SUGCT: variants seen among roughly 807,000 people sequenced by gnomAD.
SUGCT encodes the protein succinyl-CoA:glutarate CoA-transferase.
A neutral mutation model predicts 55.0 loss-of-function variants in SUGCT; 41 were observed. The ratio of observed to expected loss-of-function variants is 0.74; its 90% CI spans 0.58 to 0.97. The LOEUF (loss-of-function observed/expected upper bound fraction) is 0.97. SUGCT is among the 50% of genes least tolerant of loss of function. The probability of loss-of-function intolerance (pLI) is 0.00; values close to 1 mark genes in which losing one functional copy is unlikely to be tolerated. For missense variants in SUGCT, 568 were observed against 547.8 expected (o/e 1.04, Z -0.37); for synonymous variants, 187 against 200.4 (o/e 0.93, Z 0.56).
intron 9 of SUGCT, among the ~76,000 whole-genome samples, chr7:40,374,082 G>A (rs1466887487): frequency 2.0e-5 from 3 of 152,044 alleles, no homozygotes; most frequent in Non-Finnish European, 2.9e-5. Flanking sequence ...ACTTAGAGAT[G>A]CACAATACTA....
At chr7:41,021,437 G>C in the SUGCT span, among the ~76,000 whole-genome samples, 1 of 152,134 alleles carries the variant, frequency 6.6e-6, no homozygotes, top group African/African-American at 2.4e-5. Context: ...AGGTGAATCT[G>C]TAATAGTTCA....
the SUGCT span, among the ~76,000 whole-genome samples, chr7:40,947,390 G>C: frequency 6.6e-6 from 1 of 151,814 alleles, no homozygotes; most frequent in African/African-American, 2.4e-5. Flanking sequence ...GTTTGTACAT[G>C]TTTAAATTAT....
intron 6 of SUGCT, among the ~76,000 whole-genome samples, chr7:40,221,055 A>G (rs1352969411): frequency 1.3e-5 from 2 of 152,198 alleles, no homozygotes; most frequent in African/African-American, 4.8e-5. Flanking sequence ...TTTGTCATGC[A>G]CTTAGCAAAA....
chr7:40,257,463 G>T (rs1790886267), intron 7 of SUGCT, among the ~76,000 whole-genome samples: 1 of 151,790 alleles, frequency 6.6e-6, no homozygotes, highest in Admixed American at 6.6e-5. Flanking sequence ...TCAACAAACT[G>T]AAAACATTTC....
At chr7:40,929,234 C>G in the SUGCT span, among the ~76,000 whole-genome samples, 2 of 152,156 alleles carry the variant, frequency 1.3e-5, no homozygotes, top group African/African-American at 4.8e-5. Flanking sequence ...TCATCCATGT[C>G]TCTGCAAGGG....
chr7:40,873,877 G>A, the SUGCT span, among the ~76,000 whole-genome samples: 1 of 152,336 alleles, frequency 6.6e-6, no homozygotes, highest in East Asian at 1.9e-4. Flanking sequence ...TGTTGTTGGA[G>A]TTCAGAGATG....
At chr7:40,576,929 A>G (rs1398936176) in intron 12 of SUGCT, among the ~76,000 whole-genome samples, 1 of 152,110 alleles carries the variant, frequency 6.6e-6, no homozygotes. Context: ...TTATCATCCT[A>G]TTGTCCTGGG....
At chr7:40,440,282 C>T (rs979408712) in intron 9 of SUGCT, among the ~76,000 whole-genome samples, 4 of 150,908 alleles carry the variant, frequency 2.7e-5, no homozygotes, top group South Asian at 2.1e-4. Context: ...GCCTCAGCCT[C>T]CCAAGTAGCT....
chr7:40,917,421 T>A, the SUGCT span, among the ~76,000 whole-genome samples: 1 of 152,146 alleles, frequency 6.6e-6, no homozygotes, highest in African/African-American at 2.4e-5. Context: ...AACAAGAAGT[T>A]AATTTTTCTC....
intron 12 of SUGCT, among the ~76,000 whole-genome samples, chr7:40,507,163 C>T (rs1403572995): frequency 6.6e-6 from 1 of 152,106 alleles, no homozygotes; most frequent in Non-Finnish European, 1.5e-5. Flanking sequence ...CTTTAGATCT[C>T]CCCTCCCCGA....
At chr7:40,713,626 T>C (rs929323673) in intron 12 of SUGCT, among the ~76,000 whole-genome samples, 5 of 152,252 alleles carry the variant, frequency 3.3e-5, no homozygotes, top group African/African-American at 1.2e-4. Context: ...AATTTGTGTT[T>C]AACCTTTGGG....
intron 12 of SUGCT, among the ~76,000 whole-genome samples, chr7:40,569,315 C>T (rs1033883825): frequency 2.1e-4 from 32 of 152,176 alleles, no homozygotes; most frequent in Admixed American, 5.2e-4. Flanking sequence ...CTCCCCTGAT[C>T]AGTAATGTGT....
intron 13 of SUGCT, among the ~76,000 whole-genome samples, chr7:40,788,244 C>A (rs1335611152): frequency 1.3e-5 from 2 of 152,170 alleles, no homozygotes; most frequent in Non-Finnish European, 2.9e-5. Context: ...CTTCCCCGGC[C>A]AGCATGCAGT....
At chr7:40,388,454 C>T (rs1785238920) in intron 9 of SUGCT, among the ~76,000 whole-genome samples, 1 of 152,172 alleles carries the variant, frequency 6.6e-6, no homozygotes, top group Non-Finnish European at 1.5e-5. Context: ...CTCGCTTTGT[C>T]GTCCAGGCTG....
At chr7:40,726,791 T>A (rs1358396657) in intron 12 of SUGCT, among the ~76,000 whole-genome samples, 2 of 152,108 alleles carry the variant, frequency 1.3e-5, no homozygotes, top group African/African-American at 4.8e-5. Context: ...AGGTGCTGCT[T>A]GGAATAAGAA....
chr7:40,564,881 A>G (rs942302739), intron 12 of SUGCT, among the ~76,000 whole-genome samples: 4 of 152,168 alleles, frequency 2.6e-5, no homozygotes, highest in African/African-American at 4.8e-5. Context: ...AATGAAGACA[A>G]TTTTTCTGTC....
At chr7:41,010,057 G>T in the SUGCT span, among the ~76,000 whole-genome samples, 1 of 152,210 alleles carries the variant, frequency 6.6e-6, no homozygotes, top group East Asian at 1.9e-4. Context: ...CAGAGAGATG[G>T]AGAGTTCAGA....
intron 1 of SUGCT, among the ~76,000 whole-genome samples, chr7:40,175,651 G>A (rs889885614): frequency 6.6e-6 from 1 of 152,010 alleles, no homozygotes; most frequent in African/African-American, 2.4e-5. Context: ...TTCTCCATAA[G>A]GCACATCATG....
chr7:40,899,292 G>C, the SUGCT span, among the ~76,000 whole-genome samples: 1 of 152,142 alleles, frequency 6.6e-6, no homozygotes, highest in Non-Finnish European at 1.5e-5. Flanking sequence ...GACTCAGTGA[G>C]CAACCTTCCT....
Sources: allele counts gnomAD v4.1 joint callset (sites outside exome capture counted in the v4.1 genomes callset), GRCh38; gene constraint gnomAD v4.1.1; transcripts MANE v1.5; gene names NCBI Gene and HGNC (gene_info 2026-07-23, HGNC 2026-07-21).